NBAS: variants seen among roughly 807,000 people sequenced by gnomAD.
NBAS encodes the protein NBAS subunit of NRZ tethering complex.
In NBAS, 219 loss-of-function variants were observed where a neutral mutation model predicts 302.5. That is an observed-to-expected ratio of 0.72 (90% CI 0.65 to 0.81). The LOEUF (loss-of-function observed/expected upper bound fraction) is 0.81, where lower values mean the gene tolerates loss of function less well. NBAS is among the 30% of genes least tolerant of loss of function. NBAS has a pLI of 0.00. For synonymous variants in NBAS, 1,118 were observed against 1,021.6 expected (o/e 1.09, Z -1.80); for missense variants, 2,932 against 2,841.6 (o/e 1.03, Z -0.72).
At chr2:15,117,236 G>A in the NBAS span, among the ~76,000 whole-genome samples, 1 of 152,130 alleles carries the variant, frequency 6.6e-6, no homozygotes, top group Non-Finnish European at 1.5e-5. Context: ...AACATAACCT[G>A]CTCAAAATAA....
At chr2:14,791,140 C>A in the NBAS span, among the ~76,000 whole-genome samples, 1 of 152,086 alleles carries the variant, frequency 6.6e-6, no homozygotes, top group Non-Finnish European at 1.5e-5. Flanking sequence ...CAGGTGTGAG[C>A]CACCACGCCG....
the NBAS span, among the ~76,000 whole-genome samples, chr2:14,966,557 T>A: frequency 6.6e-6 from 1 of 152,138 alleles, no homozygotes; most frequent in African/African-American, 2.4e-5. Flanking sequence ...TCCATCTGTT[T>A]GATTGGAAAA....
intron 9 of NBAS, among the ~76,000 whole-genome samples, chr2:15,524,148 C>T (rs915680143): frequency 5.3e-5 from 8 of 152,338 alleles, no homozygotes; most frequent in African/African-American, 1.7e-4. Flanking sequence ...CCACTACTCT[C>T]TGTGACACCA....
At chr2:15,312,173 C>T (rs1273417463) in intron 38 of NBAS, among the ~76,000 whole-genome samples, 2 of 152,248 alleles carry the variant, frequency 1.3e-5, no homozygotes, top group Non-Finnish European at 2.9e-5. Flanking sequence ...ACCAGATCTT[C>T]GTCCTTGATT....
the NBAS span, among the ~76,000 whole-genome samples, chr2:15,047,668 G>T: frequency 0.023 from 3,434 of 151,964 alleles, 117 homozygotes; most frequent in African/African-American, 0.078. Context: ...TGAAGGCTGG[G>T]CTCATGCAGG....
At chr2:15,042,558 GTCT>G in the NBAS span, among the ~76,000 whole-genome samples, 2 of 152,216 alleles carry the variant, frequency 1.3e-5, no homozygotes, top group African/African-American at 4.8e-5. Flanking sequence ...CATTGGCGAG[GTCT>G]TCTTTGCATC....
intron 33 of NBAS, among the ~76,000 whole-genome samples, chr2:15,354,612 A>T (rs1673524444): frequency 6.6e-6 from 1 of 152,206 alleles, no homozygotes; most frequent in Non-Finnish European, 1.5e-5. Flanking sequence ...TATGAAAACA[A>T]TTTGCTAATG....
At chr2:15,221,404 A>G (rs542403426) in intron 47 of NBAS, among the ~76,000 whole-genome samples, 1 of 152,338 alleles carries the variant, frequency 6.6e-6, no homozygotes, top group African/African-American at 2.4e-5. Flanking sequence ...AATAAATAGT[A>G]ACCACCATTG....
intron 23 of NBAS, among the ~76,000 whole-genome samples, chr2:15,419,420 T>C (rs1278925794): frequency 6.6e-6 from 1 of 152,028 alleles, no homozygotes; most frequent in Non-Finnish European, 1.5e-5. Flanking sequence ...TGTGTGTGTG[T>C]CTGTGTTAGA....
At chr2:15,361,984 A>G (rs1673952550) in intron 32 of NBAS, among the ~76,000 whole-genome samples, 1 of 152,134 alleles carries the variant, frequency 6.6e-6, no homozygotes, top group Non-Finnish European at 1.5e-5. Context: ...CCATCTCAAA[A>G]AAAAAAAAAA....
chr2:15,284,260 G>A (rs1445443760), intron 42 of NBAS, among the ~76,000 whole-genome samples: 2 of 151,704 alleles, frequency 1.3e-5, no homozygotes, highest in South Asian at 4.2e-4. Context: ...CATTAATGAA[G>A]CTGTGATCAT....
At chr2:15,231,393 T>C (rs1261962839) in intron 47 of NBAS, among the ~76,000 whole-genome samples, 1 of 152,102 alleles carries the variant, frequency 6.6e-6, no homozygotes, top group Non-Finnish European at 1.5e-5. Flanking sequence ...TGCAGGGAAA[T>C]AGACTATGAA....
At chr2:14,848,209 C>G in the NBAS span, among the ~76,000 whole-genome samples, 52 of 151,658 alleles carry the variant, frequency 3.4e-4, no homozygotes, top group Middle Eastern at 3.4e-3. Flanking sequence ...GGGCGCAGGA[C>G]AGTGGGTGCG....
chr2:15,297,797 G>A (rs73197020), intron 40 of NBAS, among the ~76,000 whole-genome samples: 4,071 of 152,056 alleles, frequency 0.027, 162 homozygotes, highest in African/African-American at 0.091. Context: ...CTGTCATTCC[G>A]TATTGTTCCA....
rs541643187 is a variant in NBAS at position 15,343,709 on chromosome 2, T to G, written c.4179+8283A>C. 3.9e-5 allele frequency among the ~76,000 whole-genome samples: 6 copies of G among 152,064 alleles called. No individual in the cohort carries two copies. In the South Asian group the frequency reaches 1.2e-3, roughly 32 times the overall value. ...CAAAAAAGGGACAACTTATTCTTACTTAAATAAGTAAATAAATAAATGTAA... is the reference window on the plus strand; with the variant it reads ...CAAAAAAGGGACAACTTATTCTTACGTAAATAAGTAAATAAATAAATGTAA... On this transcript the variant is annotated intron_variant, in intron 35 of 51. Coordinates refer to ENST00000281513, the MANE Select transcript of NBAS (RefSeq NM_015909.4).
the NBAS span, among the ~76,000 whole-genome samples, chr2:14,930,682 T>G: frequency 1.3e-5 from 2 of 152,192 alleles, no homozygotes; most frequent in African/African-American, 4.8e-5. Context: ...ACCTGAGTAT[T>G]TTCTATGTTA....
At chr2:15,289,048 T>C (rs1338377073) in intron 41 of NBAS, among the ~76,000 whole-genome samples, 2 of 152,168 alleles carry the variant, frequency 1.3e-5, no homozygotes, top group Non-Finnish European at 2.9e-5. Context: ...ATGGATTAGG[T>C]CATTGTCAAT....
the NBAS span, among the ~76,000 whole-genome samples, chr2:14,893,392 GT>G: frequency 6.6e-6 from 1 of 151,802 alleles, no homozygotes; most frequent in Non-Finnish European, 1.5e-5. Context: ...CTTCTTCCTA[GT>G]TTTTGTTACA....
downstream of NBAS, among the ~76,000 whole-genome samples, chr2:15,165,283 C>T (rs10221671): frequency 0.46 from 69,680 of 152,056 alleles, 17,006 homozygotes; most frequent in East Asian, 0.67. Flanking sequence ...GCCATCAGAG[C>T]TCTAGGAAGC....
Sources: allele counts gnomAD v4.1 joint callset (sites outside exome capture counted in the v4.1 genomes callset), GRCh38; gene constraint gnomAD v4.1.1; transcripts MANE v1.5; gene names NCBI Gene and HGNC (gene_info 2026-07-23, HGNC 2026-07-21).